The following EXOC2 variants were observed in gnomAD, a reference collection of about 807,000 sequenced individuals.
The protein encoded by EXOC2 is exocyst complex component 2, also known as SEC5-like 1.
A neutral mutation model predicts 131.8 loss-of-function variants in EXOC2; 70 were observed. That is an observed-to-expected ratio of 0.53 (90% CI 0.44 to 0.65). The LOEUF (loss-of-function observed/expected upper bound fraction) is 0.65, where lower values mean the gene tolerates loss of function less well. Among genes scored for constraint, EXOC2 ranks in the 30% least tolerant of loss-of-function variants. The pLI, the probability that EXOC2 is intolerant of heterozygous loss-of-function variation, is 0.00. For missense variants in EXOC2, 923 were observed against 1,108.6 expected (o/e 0.83, Z 2.38); for synonymous variants, 411 against 398.4 (o/e 1.03, Z -0.38).
chr6:500,249 A>C (rs1354373568), intron 23 of EXOC2, among the ~76,000 whole-genome samples: 1 of 152,202 alleles, frequency 6.6e-6, no homozygotes, highest in Non-Finnish European at 1.5e-5. Flanking sequence ...TTTTTGTCTT[A>C]AGGAATCACT....
chr6:528,561 C>T (rs963120452), intron 23 of EXOC2, among the ~76,000 whole-genome samples: 2 of 152,058 alleles, frequency 1.3e-5, no homozygotes, highest in African/African-American at 4.8e-5. Flanking sequence ...ATGACTTCTA[C>T]ATGTTTTTGG....
At chr6:651,796 G>A (rs972430545) in intron 1 of EXOC2, among the ~76,000 whole-genome samples, 1 of 151,884 alleles carries the variant, frequency 6.6e-6, no homozygotes, top group African/African-American at 2.4e-5. Context: ...AGTGGCTCAC[G>A]CCTGTAACCC....
intron 1 of EXOC2, among the ~76,000 whole-genome samples, chr6:668,558 T>A (rs1277959726): frequency 6.6e-6 from 1 of 152,196 alleles, no homozygotes; most frequent in Non-Finnish European, 1.5e-5. Context: ...TGTGGGAAGC[T>A]ACACCTTCCC....
intron 11 of EXOC2, among the ~76,000 whole-genome samples, chr6:578,611 A>T (rs1758718487): frequency 6.6e-6 from 1 of 152,200 alleles, no homozygotes; most frequent in Non-Finnish European, 1.5e-5. Flanking sequence ...ATAGAAAATA[A>T]ATCATTTGAA....
chr6:546,676 T>C (rs1756880352), intron 22 of EXOC2, among the ~76,000 whole-genome samples: 2 of 152,248 alleles, frequency 1.3e-5, no homozygotes, highest in South Asian at 2.1e-4. Context: ...TTCCACTTTA[T>C]GAATAGTGTT....
intron 1 of EXOC2, among the ~76,000 whole-genome samples, chr6:649,861 T>C (rs1431279379): frequency 6.6e-6 from 1 of 152,242 alleles, no homozygotes; most frequent in African/African-American, 2.4e-5. Context: ...TTTCTACAGA[T>C]ACAGTGAAAC....
At chr6:637,901 G>A (rs992502180) in intron 1 of EXOC2, 40 bp from the exon 2 acceptor site, 3 of 1,206,836 alleles carry the variant, frequency 2.5e-6, no homozygotes, top group South Asian at 1.3e-5. Context: ...TACCAACTGA[G>A]ACAAGCATTG....
chr6:656,279 G>C (rs1763079870), intron 1 of EXOC2: 1 of 1,614,066 alleles, frequency 6.2e-7, no homozygotes, highest in Non-Finnish European at 8.5e-7. Flanking sequence ...TGCTCTCCAG[G>C]TCTCTGTTTT....
At chr6:529,145 C>G (rs1159620356) in intron 23 of EXOC2, among the ~76,000 whole-genome samples, 1 of 151,926 alleles carries the variant, frequency 6.6e-6, no homozygotes, top group Non-Finnish European at 1.5e-5. Context: ...TTACTGCTCA[C>G]TCAAGTGCTG....
intron 23 of EXOC2, among the ~76,000 whole-genome samples, chr6:507,885 T>TCA (rs1764650790): frequency 6.6e-6 from 1 of 152,232 alleles, no homozygotes; most frequent in African/African-American, 2.4e-5. Context: ...CACTTTGGAT[T>TCA]CACCAAGTCT....
chr6:631,077 C>G (rs1761821325), intron 3 of EXOC2, among the ~76,000 whole-genome samples: 1 of 152,230 alleles, frequency 6.6e-6, no homozygotes, highest in South Asian at 2.1e-4. Context: ...GCGTGCCTGC[C>G]TCCCCAGGCG....
In EXOC2 at chr6:557,550, G is replaced by C. The variant is rs553543158; in HGVS notation, c.1852-986C>G. 2.0e-5 allele frequency among the ~76,000 whole-genome samples: 3 copies of C among 150,966 alleles called. No individual in the cohort carries two copies. In the East Asian group the frequency reaches 5.9e-4, roughly 29 times the overall value. On this transcript the variant is annotated intron_variant, in intron 17 of 27. Coordinates refer to ENST00000230449, the MANE Select transcript of EXOC2 (RefSeq NM_018303.6). The stretch of plus-strand genomic sequence containing the variant: ...GGAGAATCGCTTGAACCTAGGAGGC[G>C]GAGGTTGCAGTGAGCCAAGATTGCG...
chr6:495,518 A>G (rs886924452), intron 25 of EXOC2, among the ~76,000 whole-genome samples: 5 of 152,194 alleles, frequency 3.3e-5, no homozygotes, highest in Non-Finnish European at 5.9e-5. Flanking sequence ...CGAAACTGAA[A>G]ATACGTTTTC....
chr6:495,337 G>T (rs1415183901), intron 25 of EXOC2, among the ~76,000 whole-genome samples: 2 of 151,150 alleles, frequency 1.3e-5, no homozygotes, highest in Non-Finnish European at 2.9e-5. Flanking sequence ...TGTTAGCCAG[G>T]ATGGTCTCGA....
chr6:648,545 C>T (rs1581624399), intron 1 of EXOC2, among the ~76,000 whole-genome samples: 1 of 152,052 alleles, frequency 6.6e-6, no homozygotes, highest in East Asian at 1.9e-4. Context: ...TATAAATACA[C>T]TAAACGGAGG....
intron 23 of EXOC2, among the ~76,000 whole-genome samples, chr6:512,600 G>T (rs1764917185): frequency 6.6e-6 from 1 of 152,126 alleles, no homozygotes; most frequent in South Asian, 2.1e-4. Flanking sequence ...CAGCAGGTTG[G>T]CACCCCAACT....
At chr6:558,017 T>C (rs576259622) in intron 17 of EXOC2, among the ~76,000 whole-genome samples, 10 of 152,224 alleles carry the variant, frequency 6.6e-5, no homozygotes, top group Admixed American at 2.0e-4. Flanking sequence ...CCGGGCTTCA[T>C]CCGGAGCAGC....
intron 1 of EXOC2, among the ~76,000 whole-genome samples, chr6:652,178 C>A (rs1034352713): frequency 6.6e-6 from 1 of 152,084 alleles, no homozygotes; most frequent in Non-Finnish European, 1.5e-5. Flanking sequence ...TACACTATAC[C>A]TCCAAAGTGG....
Position 633,028 on chromosome 6 carries a change from C to T in EXOC2, c.208G>A (p.Asp70Asn), listed in dbSNP as rs754310048. 1.2e-6 allele frequency: 2 copies of T among 1,614,148 alleles called. No homozygotes were observed. The highest frequency in any genetic ancestry group is 1.7e-6 in the Non-Finnish European group (2 of 1,180,026). Residue 70 changes from aspartate (D) to asparagine (N), a missense_variant, in exon 3 of 28, where the codon GAC (aspartate) becomes AAC (asparagine). Transcript: ENST00000230449. ...GTGGTGACAATAATGTCTCCTTTGT[C>T]ATTTTTGGCTTGTCCCACTCGACAT... The part of the protein sequence containing the change: ...IVCRVGQAKN[D>N]KGDIIVTTKS...
Sources: allele counts gnomAD v4.1 joint callset (sites outside exome capture counted in the v4.1 genomes callset), GRCh38; gene constraint gnomAD v4.1.1; transcripts MANE v1.5; gene names NCBI Gene and HGNC (gene_info 2026-07-23, HGNC 2026-07-21).